Variants in CLDN11 observed in about 807,000 individuals in gnomAD.
CLDN11 encodes claudin-11.
A neutral mutation model predicts 18.0 loss-of-function variants in CLDN11; 1 was observed. The ratio of observed to expected loss-of-function variants is 0.06; its 90% CI spans 0.02 to 0.26. The LOEUF (loss-of-function observed/expected upper bound fraction) is 0.26, where lower values mean the gene tolerates loss of function less well. Ranked by LOEUF, CLDN11 falls within the 10% of genes least tolerant of loss-of-function variation. CLDN11 has a pLI of 1.00. For missense variants in CLDN11, 172 were observed against 276.6 expected (o/e 0.62, Z 2.68); for synonymous variants, 116 against 121.5 (o/e 0.96, Z 0.30).
In CLDN11 at chr3:170,419,060, G is replaced by A. The variant is rs1283945980; in HGVS notation, c.-7G>A. ...GGGCGAGGCACGGGGACATCCTGGC[G>A]GCCACCATGGTGGCCACGTGCCTGC... On this transcript the variant is annotated 5_prime_UTR_variant, in exon 1 of 3. Coordinates refer to ENST00000064724, the MANE Select transcript of CLDN11 (RefSeq NM_005602.6). This position sits in a 1 kb window ranked among gnomAD's most constrained non-coding sequence, Gnocchi z 8.6. The A allele has an allele frequency of 3.5e-5, 54 of 1,547,324 alleles. 1 individual carries two copies. In the Admixed American group the frequency reaches 1.1e-3, roughly 30 times the overall value.
At chr3:170,432,481 T>G in intron 2 of CLDN11, 43 bp from the exon 3 acceptor site, 1 of 1,607,562 alleles carries the variant, frequency 6.2e-7, no homozygotes, top group Non-Finnish European at 8.5e-7. Flanking sequence ...GTGCTTGGTG[T>G]GTGATGGTTG....
chr3:170,418,870 C>A lies in CLDN11; in HGVS notation c.-197C>A. On this transcript the variant is annotated 5_prime_UTR_variant, in exon 1 of 3. Coordinates refer to ENST00000064724, the MANE Select transcript of CLDN11 (RefSeq NM_005602.6). This position sits in a 1 kb window ranked among gnomAD's most constrained non-coding sequence, Gnocchi z 4.3. ...GGGGCGGGGGCGCGCTGCCCAGCAG[C>A]GCTGCTGTCCCCGCCGTGCGCCCTT... is the stretch of plus-strand genomic sequence containing the variant. 7.7e-6 allele frequency: 4 copies of A among 518,850 alleles called. No homozygotes were observed. Among genetic ancestry groups the A allele is most frequent in the Non-Finnish European group, 1.4e-5 (4 of 293,730 alleles). The allele number at this position is 518,850 out of a possible 1,614,324, so 32.1% of individuals were successfully genotyped here.
intron 2 of CLDN11, among the ~76,000 whole-genome samples, chr3:170,429,053 T>A (rs1164222471): frequency 6.6e-6 from 1 of 152,276 alleles, no homozygotes; most frequent in Non-Finnish European, 1.5e-5. Flanking sequence ...TTCACATTTT[T>A]AAAAGTTAAG....
intron 2 of CLDN11, among the ~76,000 whole-genome samples, chr3:170,428,942 C>A (rs1738933418): frequency 6.6e-6 from 1 of 152,166 alleles, no homozygotes. Flanking sequence ...CAGAGAGAAC[C>A]ATTCCAAACT....
Position 170,419,807 on chromosome 3 carries a change from C to A in CLDN11, c.226+515C>A, listed in dbSNP as rs77909865. Reference sequence around the variant, plus strand: ...CGAAGCGCCCCCGGCCAGGTTAGAGCCCTCCTAGCTCCGTCCGCGCAGCCG... The same window carrying A: ...CGAAGCGCCCCCGGCCAGGTTAGAGACCTCCTAGCTCCGTCCGCGCAGCCG... On this transcript the variant is annotated intron_variant, in intron 1 of 2. Coordinates refer to ENST00000064724, the MANE Select transcript of CLDN11 (RefSeq NM_005602.6). The surrounding 1 kb of genome is among the most constrained non-coding windows in gnomAD (Gnocchi z 8.6). 0.019 allele frequency among the ~76,000 whole-genome samples: 2,872 copies of A among 152,356 alleles called. 56 individuals carry two copies. Among genetic ancestry groups the A allele is most frequent in the East Asian group, 0.078 (402 of 5,168 alleles).
intron 1 of CLDN11, among the ~76,000 whole-genome samples, chr3:170,420,689 T>G (rs1738703568): frequency 6.6e-6 from 1 of 152,194 alleles, no homozygotes. Context: ...CTTGCCTGGT[T>G]TGCCTTACGC....
At chr3:170,427,697 TACG>T (rs1738891119) in intron 2 of CLDN11, among the ~76,000 whole-genome samples, 1 of 151,002 alleles carries the variant, frequency 6.6e-6, no homozygotes, top group Non-Finnish European at 1.5e-5. Context: ...TAATCCCAGC[TACG>T]CAGGAGGCTG....
chr3:170,421,675 G>A (rs542897470), intron 1 of CLDN11, among the ~76,000 whole-genome samples: 1 of 152,242 alleles, frequency 6.6e-6, no homozygotes, highest in Non-Finnish European at 1.5e-5. Flanking sequence ...GCAAAAAAGG[G>A]AGGGTAATAA....
chr3:170,423,541 A>G (rs1738771756), intron 2 of CLDN11: 2 of 551,072 alleles, frequency 3.6e-6, no homozygotes, highest in South Asian at 2.7e-5. Context: ...GACCATGAAG[A>G]TAAGTTTAAA....
chr3:170,431,389 T>C (rs1211399328), intron 2 of CLDN11, among the ~76,000 whole-genome samples: 2 of 152,240 alleles, frequency 1.3e-5, no homozygotes, highest in African/African-American at 4.8e-5. Context: ...CTGCCAACTT[T>C]AATGTGCCAT....
In CLDN11 at chr3:170,433,702, A is replaced by T. The variant is rs1041177105; in HGVS notation, c.*946A>T. ...CTTTTTCAAGATTGATCATTTTTAT[A>T]ACCATGGTTTTCCTGAAATCCTCAA... On this transcript the variant is annotated 3_prime_UTR_variant, in exon 3 of 3. Coordinates refer to ENST00000064724, the MANE Select transcript of CLDN11 (RefSeq NM_005602.6). The T allele has an allele frequency of 6.6e-5, 10 of 152,602 alleles. No homozygotes were observed. Among genetic ancestry groups the T allele is most frequent in the African/African-American group, 2.4e-4 (10 of 41,438 alleles). 9.5% of individuals were successfully genotyped at this position (152,602 alleles called of 1,614,324 possible).
At chr3:170,426,399 C>G (rs1738855024) in intron 2 of CLDN11, among the ~76,000 whole-genome samples, 1 of 152,206 alleles carries the variant, frequency 6.6e-6, no homozygotes, top group African/African-American at 2.4e-5. Flanking sequence ...GCTCTCAGAT[C>G]TGTGGTGGAT....
At chr3:170,427,743 A>C (rs1055946677) in intron 2 of CLDN11, among the ~76,000 whole-genome samples, 4 of 150,258 alleles carry the variant, frequency 2.7e-5, no homozygotes, top group African/African-American at 9.8e-5. Flanking sequence ...CATGTGGCAG[A>C]GTTTGCAGTG....
At chr3:170,428,952 T>G (rs1441633762) in intron 2 of CLDN11, among the ~76,000 whole-genome samples, 1 of 152,214 alleles carries the variant, frequency 6.6e-6, no homozygotes, top group Non-Finnish European at 1.5e-5. Context: ...CATTCCAAAC[T>G]CATCTTTTTG....
chr3:170,429,549 T>C (rs1738946945), intron 2 of CLDN11, among the ~76,000 whole-genome samples: 1 of 152,240 alleles, frequency 6.6e-6, no homozygotes, highest in African/African-American at 2.4e-5. Flanking sequence ...CACTCATCCA[T>C]TCCTATGGAG....
At chr3:170,423,533 C>A in intron 2 of CLDN11, 1 of 549,050 alleles carries the variant, frequency 1.8e-6, no homozygotes, top group Non-Finnish European at 3.2e-6. Flanking sequence ...GAGTCACTGA[C>A]CATGAAGATA....
chr3:170,426,907 G>A (rs995576957), intron 2 of CLDN11, among the ~76,000 whole-genome samples: 9 of 152,100 alleles, frequency 5.9e-5, no homozygotes, highest in Non-Finnish European at 1.0e-4. Flanking sequence ...TCAGGCTCCC[G>A]ACTAGCTGGG....
intron 2 of CLDN11, among the ~76,000 whole-genome samples, chr3:170,426,814 C>T (rs1738865359): frequency 5.3e-5 from 8 of 152,140 alleles, no homozygotes; most frequent in Admixed American, 5.2e-4. Context: ...CGGACCTTTG[C>T]TCTGTCGCCC....
chr3:170,421,818 T>G (rs1198821955), intron 1 of CLDN11, among the ~76,000 whole-genome samples: 1 of 152,252 alleles, frequency 6.6e-6, no homozygotes, highest in African/African-American at 2.4e-5. Flanking sequence ...ATGTGACACA[T>G]ATTGTAATCT....
Sources: gnomAD v4.1 joint callset for allele counts (sites outside exome capture counted in the v4.1 genomes callset) on GRCh38, gnomAD v4.1.1 for gene constraint, Gnocchi (gnomAD v3.1) non-coding constraint, MANE v1.5 for transcripts, NCBI Gene and HGNC (gene_info 2026-07-23, HGNC 2026-07-21) for gene names.